Variants in METAP1 observed in about 807,000 individuals in gnomAD.
METAP1 encodes the protein methionyl aminopeptidase 1, also known as methionine aminopeptidase 1.
METAP1 carries 28 observed loss-of-function variants against 53.8 expected under a neutral mutation model. That is an observed-to-expected ratio of 0.52 (90% CI 0.39 to 0.71). The LOEUF (loss-of-function observed/expected upper bound fraction) is 0.71, where lower values mean the gene tolerates loss of function less well. METAP1 is among the 30% of genes least tolerant of loss of function. METAP1 has a pLI of 0.00. For missense variants in METAP1, 389 were observed against 479.8 expected, an observed-to-expected ratio of 0.81 and a Z score of 1.77; for synonymous variants, 181 against 165.7, an observed-to-expected ratio of 1.09 and a Z score of -0.71.
chr4:99,031,587 A>G, intron 2 of METAP1: 2 of 1,286,998 alleles, frequency 1.6e-6, no homozygotes, highest in Non-Finnish European at 2.0e-6. Context: ...CACCTCCAAG[A>G]TGCTGGAATC....
At chr4:99,051,941 C>A (rs914447865) in intron 9 of METAP1, among the ~76,000 whole-genome samples, 1 of 152,104 alleles carries the variant, frequency 6.6e-6, no homozygotes, top group African/African-American at 2.4e-5. Context: ...AGTTTATTTG[C>A]TTCTATGTTT....
intron 1 of METAP1, among the ~76,000 whole-genome samples, chr4:99,011,679 G>T (rs1246595638): frequency 1.3e-5 from 2 of 152,216 alleles, no homozygotes; most frequent in East Asian, 1.9e-4. Flanking sequence ...GGTGGCTGAT[G>T]CCTGTAATCC....
intron 1 of METAP1, among the ~76,000 whole-genome samples, chr4:98,996,076 G>A (rs1722606428): frequency 6.6e-6 from 1 of 152,114 alleles, no homozygotes; most frequent in Non-Finnish European, 1.5e-5. Flanking sequence ...GGGCTCACGC[G>A]GGGGCGGGGG....
chr4:99,057,229 C>T (rs994607611), intron 9 of METAP1, among the ~76,000 whole-genome samples: 1 of 152,208 alleles, frequency 6.6e-6, no homozygotes, highest in African/African-American at 2.4e-5. Context: ...ATGAGAAAAA[C>T]ACAACAGCTT....
At chr4:99,041,461 T>TA (rs960545681) in intron 6 of METAP1, among the ~76,000 whole-genome samples, 6 of 151,702 alleles carry the variant, frequency 4.0e-5, no homozygotes, top group African/African-American at 4.8e-5. Context: ...TATTCTGAAA[T>TA]AAAAAAAAGA....
At chr4:99,048,090 A>G (rs1343537449) in intron 8 of METAP1, among the ~76,000 whole-genome samples, 2 of 152,186 alleles carry the variant, frequency 1.3e-5, no homozygotes, top group East Asian at 3.9e-4. Context: ...TATTAATAGA[A>G]TGGAACACTT....
At position 99,021,333 on chromosome 4, in the gene METAP1, C is replaced by T. The variant is rs116490175; in HGVS notation, c.115-7534C>T. On this transcript the variant is annotated intron_variant, in intron 1 of 10. Coordinates refer to ENST00000296411, the MANE Select transcript of METAP1 (RefSeq NM_015143.3). ...GCTCATGCACGAGGTCTCCTGGTCC[C>T]GCGGTTTTAAAAGTCTCCTTGTCCC... is the stretch of plus-strand genomic sequence containing the variant. Among the ~76,000 whole-genome samples, 939 of 152,208 alleles carry T rather than the reference C, an allele frequency of 6.2e-3. 9 individuals are homozygous for T. The highest frequency in any genetic ancestry group is 0.022 in the African/African-American group (902 of 41,496).
intron 4 of METAP1, 138 bp from the exon 5 acceptor site, chr4:99,039,236 C>T: frequency 3.6e-6 from 2 of 550,112 alleles, no homozygotes; most frequent in Non-Finnish European, 3.2e-6. Context: ...AAAATCTAAC[C>T]TAGACCATCC....
chr4:99,018,917 C>T (rs1265196281), intron 1 of METAP1, among the ~76,000 whole-genome samples: 2 of 152,156 alleles, frequency 1.3e-5, no homozygotes, highest in Non-Finnish European at 2.9e-5. Flanking sequence ...TCCGTAACTC[C>T]CTTGCTTTCC....
intron 8 of METAP1, among the ~76,000 whole-genome samples, chr4:99,048,028 C>A (rs999334368): frequency 1.3e-5 from 2 of 152,170 alleles, no homozygotes; most frequent in African/African-American, 4.8e-5. Context: ...CAATTCGTTA[C>A]TTTTTGGACG....
chr4:99,026,578 C>G (rs1278310193), intron 1 of METAP1: 9 of 985,146 alleles, frequency 9.1e-6, no homozygotes, highest in Non-Finnish European at 3.6e-6. Context: ...TTAGTTAGGT[C>G]TTTGGTTCAT....
At chr4:99,006,983 G>A (rs1286171386) in intron 1 of METAP1, among the ~76,000 whole-genome samples, 1 of 148,240 alleles carries the variant, frequency 6.7e-6, no homozygotes, top group Non-Finnish European at 1.5e-5. Flanking sequence ...TTTTTGAGAC[G>A]GTCTCATTCT....
intron 10 of METAP1, 84 bp downstream of exon 10, chr4:99,057,902 C>A: frequency 8.1e-7 from 1 of 1,233,876 alleles, no homozygotes; most frequent in Non-Finnish European, 1.1e-6. Flanking sequence ...TCTTTTCTAC[C>A]TGCTTGCTTT....
At chr4:99,009,494 G>C (rs774809981) in intron 1 of METAP1, among the ~76,000 whole-genome samples, 10 of 151,912 alleles carry the variant, frequency 6.6e-5, no homozygotes, top group Admixed American at 1.3e-4. Flanking sequence ...AATGTACAAG[G>C]GTTCTGATTT....
At chr4:99,048,614 C>A in intron 8 of METAP1, 119 bp from the exon 9 acceptor site, 2 of 1,095,636 alleles carry the variant, frequency 1.8e-6, no homozygotes, top group Non-Finnish European at 2.7e-6. Context: ...AGGCGATCTT[C>A]CTGCCTTGAC....
intron 1 of METAP1, among the ~76,000 whole-genome samples, chr4:99,013,196 T>C (rs554914926): frequency 6.6e-6 from 1 of 152,332 alleles, no homozygotes; most frequent in East Asian, 1.9e-4. Context: ...CCTAAGACAT[T>C]GTAGACTTCT....
chr4:99,039,774 A>C (rs1725715958), intron 5 of METAP1, among the ~76,000 whole-genome samples: 2 of 151,944 alleles, frequency 1.3e-5, no homozygotes, highest in South Asian at 4.2e-4. Flanking sequence ...TTGTATTTTT[A>C]GTAGAGATGG....
chr4:99,036,622 A>G (rs62325193), intron 4 of METAP1, among the ~76,000 whole-genome samples: 5,641 of 151,770 alleles, frequency 0.037, 133 homozygotes, highest in African/African-American at 0.059. Flanking sequence ...TGCTGTATTC[A>G]CTTAATATGT....
chr4:99,007,965 G>C (rs527899873), intron 1 of METAP1, among the ~76,000 whole-genome samples: 2 of 152,266 alleles, frequency 1.3e-5, no homozygotes, highest in South Asian at 4.1e-4. Context: ...GCTTCCTCCT[G>C]TAATGTCCTT....
Sources: gnomAD v4.1 joint callset for allele counts (sites outside exome capture counted in the v4.1 genomes callset) on GRCh38, gnomAD v4.1.1 for gene constraint, MANE v1.5 for transcripts, NCBI Gene and HGNC (gene_info 2026-07-23, HGNC 2026-07-21) for gene names.